The following CHLSN variants were observed in gnomAD, a reference collection of about 807,000 sequenced individuals.
CHLSN encodes the protein protein cholesin.
the CHLSN span, chr7:984,479 G>C: frequency 3.7e-5 from 57 of 1,551,686 alleles, no homozygotes; most frequent in Admixed American, 1.2e-4. Flanking sequence ...GTGCTGACGG[G>C]GTTCGAGGCG....
chr7:1,030,757 C>T, the CHLSN span, among the ~76,000 whole-genome samples: 1 of 150,412 alleles, frequency 6.6e-6, no homozygotes, highest in Non-Finnish European at 1.5e-5. Context: ...TCTCCCGGGG[C>T]ACGCGGGGAC....
chr7:1,091,862 G>C, the CHLSN span: 4 of 1,613,332 alleles, frequency 2.5e-6, no homozygotes, highest in Admixed American at 1.7e-5. Context: ...CTGGCCAATG[G>C]GACAGGTGAG....
the CHLSN span, among the ~76,000 whole-genome samples, chr7:1,133,526 G>GC: frequency 6.6e-6 from 1 of 151,804 alleles, no homozygotes; most frequent in East Asian, 1.9e-4. Flanking sequence ...TGAGGCAGAT[G>GC]GATCACGAGG....
the CHLSN span, chr7:986,700 G>C: frequency 1.2e-6 from 2 of 1,612,336 alleles, no homozygotes; most frequent in African/African-American, 1.3e-5. Context: ...GAGGAGGTCC[G>C]TGCCATTCTG....
At chr7:992,295 C>CG in the CHLSN span, among the ~76,000 whole-genome samples, 1 of 152,206 alleles carries the variant, frequency 6.6e-6, no homozygotes, top group African/African-American at 2.4e-5. Flanking sequence ...CCGTGCTGCA[C>CG]GTGCCTCCCA....
At chr7:1,014,694 G>A in the CHLSN span, among the ~76,000 whole-genome samples, 1 of 152,270 alleles carries the variant, frequency 6.6e-6, no homozygotes, top group Admixed American at 6.5e-5. Flanking sequence ...TCCCTGGACT[G>A]GACACCAATC....
chr7:1,036,739 CG>C, the CHLSN span, among the ~76,000 whole-genome samples: 2 of 121,680 alleles, frequency 1.6e-5, no homozygotes, highest in Non-Finnish European at 4.1e-5. Context: ...TTGAGAGGAT[CG>C]GGGTGGGGAG....
At chr7:982,492 A>C in the CHLSN span, among the ~76,000 whole-genome samples, 1 of 152,214 alleles carries the variant, frequency 6.6e-6, no homozygotes, top group African/African-American at 2.4e-5. Flanking sequence ...CAGGGCTCGT[A>C]AACCCCGCCA....
the CHLSN span, among the ~76,000 whole-genome samples, chr7:1,085,250 TG>T: frequency 6.6e-6 from 1 of 152,218 alleles, no homozygotes; most frequent in East Asian, 1.9e-4. Flanking sequence ...TATTCTATCC[TG>T]GGGATGAACA....
the CHLSN span, among the ~76,000 whole-genome samples, chr7:1,096,795 G>A: frequency 6.6e-6 from 1 of 152,220 alleles, no homozygotes; most frequent in Admixed American, 6.5e-5. The surrounding 1 kb of genome is among the most constrained non-coding windows in gnomAD (Gnocchi z 4.6). Flanking sequence ...GCCCTTCCCA[G>A]GCCCCGCACC....
the CHLSN span, among the ~76,000 whole-genome samples, chr7:1,096,784 CG>C: frequency 6.6e-6 from 1 of 152,238 alleles, no homozygotes; most frequent in Non-Finnish European, 1.5e-5. The surrounding 1 kb of genome is among the most constrained non-coding windows in gnomAD (Gnocchi z 4.6). Context: ...ACGGCTTACC[CG>C]CCCTTCCCAG....
chr7:1,014,984 A>G, the CHLSN span, among the ~76,000 whole-genome samples: 2 of 152,152 alleles, frequency 1.3e-5, no homozygotes, highest in Non-Finnish European at 2.9e-5. Flanking sequence ...GGCTGGGAGG[A>G]GCAGGCAGCC....
chr7:1,116,329 C>T, the CHLSN span, among the ~76,000 whole-genome samples: 47 of 142,210 alleles, frequency 3.3e-4, 1 homozygote, highest in African/African-American at 1.2e-3. Context: ...CTTCCATCAC[C>T]AACGCCCATG....
the CHLSN span, among the ~76,000 whole-genome samples, chr7:1,019,715 C>T: frequency 6.0e-4 from 92 of 152,240 alleles, no homozygotes; most frequent in Non-Finnish European, 1.1e-3. Flanking sequence ...GCCAGGGCTT[C>T]CAGATGGGCA....
At chr7:1,087,940 A>C in the CHLSN span, 1 of 152,282 alleles carries the variant, frequency 6.6e-6, no homozygotes, top group African/African-American at 2.4e-5. Context: ...AAACTTCCAC[A>C]AAAACAAGTC....
the CHLSN span, among the ~76,000 whole-genome samples, chr7:1,017,470 G>A: frequency 6.6e-6 from 1 of 152,176 alleles, no homozygotes; most frequent in African/African-American, 2.4e-5. Context: ...GCTGTCCTAC[G>A]ATGTCAGCCG....
At chr7:1,047,795 C>A in the CHLSN span, among the ~76,000 whole-genome samples, 1 of 152,196 alleles carries the variant, frequency 6.6e-6, no homozygotes. Context: ...TGTCCGGGGA[C>A]AATAAGAAGC....
the CHLSN span, among the ~76,000 whole-genome samples, chr7:1,016,628 G>A: frequency 2.0e-5 from 2 of 98,138 alleles, no homozygotes; most frequent in South Asian, 3.2e-4. Context: ...CCAGAGCACA[G>A]TAGCGCACGC....
the CHLSN span, chr7:1,000,428 C>G: frequency 8.2e-7 from 1 of 1,215,092 alleles, no homozygotes; most frequent in Non-Finnish European, 1.1e-6. Flanking sequence ...CGTGCACAGA[C>G]CTCAGCCCCC....
Sources: gnomAD v4.1 joint callset for allele counts (sites outside exome capture counted in the v4.1 genomes callset) on GRCh38, gnomAD v4.1.1 for gene constraint, Gnocchi (gnomAD v3.1) non-coding constraint, MANE v1.5 for transcripts, NCBI Gene and HGNC (gene_info 2026-07-23, HGNC 2026-07-21) for gene names.